MACROD2: variants seen among roughly 807,000 people sequenced by gnomAD.
MACROD2 encodes ADP-ribose glycohydrolase MACROD2.
MACROD2 carries 36 observed loss-of-function variants against 70.4 expected under a neutral mutation model. The ratio of observed to expected loss-of-function variants is 0.51; its 90% CI spans 0.39 to 0.68. MACROD2 has a LOEUF of 0.68. Ranked by LOEUF, MACROD2 falls within the 30% of genes least tolerant of loss-of-function variation. The pLI is 0.00. For missense variants in MACROD2, 496 were observed against 538.4 expected, an observed-to-expected ratio of 0.92 and a Z score of 0.78; for synonymous variants, 172 against 178.8, an observed-to-expected ratio of 0.96 and a Z score of 0.30.
chr20:14,313,287 T>G lies in MACROD2; in HGVS notation c.272-180192T>G, dbSNP rs139369843. 2.6e-3 allele frequency among the ~76,000 whole-genome samples: 396 copies of G among 152,322 alleles called. 4 individuals carry two copies. Among genetic ancestry groups the G allele is most frequent in the Non-Finnish European group, 4.8e-3 (328 of 68,018 alleles). On this transcript the variant is annotated intron_variant, in intron 3 of 17. Coordinates refer to ENST00000684519, the MANE Select transcript of MACROD2 (RefSeq NM_001351661.2). ...ATTTTGTGAACATTTGGTAAGCAGTTGCACTTAATTTCCTTCACTTGAACA... is the reference window on the plus strand; with the variant it reads ...ATTTTGTGAACATTTGGTAAGCAGTGGCACTTAATTTCCTTCACTTGAACA...
At chr20:14,843,221 T>C (rs1255709395) in intron 5 of MACROD2, among the ~76,000 whole-genome samples, 1 of 150,796 alleles carries the variant, frequency 6.6e-6, no homozygotes, top group East Asian at 1.9e-4. Flanking sequence ...CTTTGTGTTA[T>C]GACTGGGGCT....
chr20:15,391,520 G>A (rs569542531), intron 6 of MACROD2, among the ~76,000 whole-genome samples: 15 of 152,338 alleles, frequency 9.8e-5, no homozygotes, highest in South Asian at 4.1e-4. Context: ...GGCCACAGCC[G>A]TAAGTCTCAA....
intron 5 of MACROD2, among the ~76,000 whole-genome samples, chr20:15,028,596 C>G (rs2075251058): frequency 6.6e-6 from 1 of 152,132 alleles, no homozygotes; most frequent in Non-Finnish European, 1.5e-5. Context: ...GTTTGGGCTA[C>G]CTGCTGTGAC....
rs2122312638 is a variant in MACROD2, at chr20:14,261,267, T to C, written c.271+175539T>C. ...TTGGAACATCAGTAAGTGAAGTTTT[T>C]TTATTTCATTGTAGAAATGAGGAAG... On this transcript the variant is annotated intron_variant, in intron 3 of 17. Coordinates refer to ENST00000684519, the MANE Select transcript of MACROD2 (RefSeq NM_001351661.2). Among the ~76,000 whole-genome samples the C allele has an allele frequency of 1.3e-5, 2 of 152,030 alleles. 1 individual carries two copies. Among genetic ancestry groups the C allele is most frequent in the Admixed American group, 1.3e-4 (2 of 15,250 alleles).
At chr20:15,570,908 A>G (rs1490253929) in intron 8 of MACROD2, among the ~76,000 whole-genome samples, 8 of 152,180 alleles carry the variant, frequency 5.3e-5, no homozygotes, top group African/African-American at 9.7e-5. Flanking sequence ...AAGGAAAAAA[A>G]GGTAGCAGGG....
intron 8 of MACROD2, among the ~76,000 whole-genome samples, chr20:15,536,437 A>G (rs2047875932): frequency 6.6e-6 from 1 of 152,204 alleles, no homozygotes; most frequent in African/African-American, 2.4e-5. Context: ...GCATTCAAGA[A>G]ATAAGGAAGC....
chr20:14,187,139 GAAA>G (rs71335951), intron 3 of MACROD2, among the ~76,000 whole-genome samples: 3 of 112,974 alleles, frequency 2.7e-5, no homozygotes, highest in African/African-American at 1.0e-4. Flanking sequence ...TTTAAAAAAG[GAAA>G]AAAAAAAAAA....
chr20:15,011,631 C>T (rs919328673), intron 5 of MACROD2, among the ~76,000 whole-genome samples: 1 of 152,108 alleles, frequency 6.6e-6, no homozygotes, highest in Non-Finnish European at 1.5e-5. Flanking sequence ...TTGTACTCAT[C>T]GAGTCGGTAC....
intron 3 of MACROD2, among the ~76,000 whole-genome samples, chr20:14,274,045 C>T (rs1402335895): frequency 1.3e-5 from 2 of 152,198 alleles, no homozygotes; most frequent in Non-Finnish European, 2.9e-5. Context: ...GATGGATTCA[C>T]AGCCGAATTC....
intron 5 of MACROD2, among the ~76,000 whole-genome samples, chr20:14,852,391 A>C (rs747453244): frequency 9.9e-5 from 15 of 152,284 alleles, no homozygotes; most frequent in Admixed American, 2.6e-4. Flanking sequence ...GATAAGCCAT[A>C]GATCATGGGA....
intron 5 of MACROD2, among the ~76,000 whole-genome samples, chr20:15,226,504 A>G (rs2076907833): frequency 6.6e-6 from 1 of 152,244 alleles, no homozygotes; most frequent in Admixed American, 6.5e-5. Flanking sequence ...TTACATATAT[A>G]TGTCCACTAT....
intron 6 of MACROD2, among the ~76,000 whole-genome samples, chr20:15,299,596 GT>G (rs1332998664): frequency 6.6e-6 from 1 of 152,182 alleles, no homozygotes; most frequent in Non-Finnish European, 1.5e-5. Context: ...TTTGTTTAAA[GT>G]TGTCTGGACA....
At chr20:15,879,584 A>T (rs2064724144) in intron 9 of MACROD2, among the ~76,000 whole-genome samples, 1 of 152,148 alleles carries the variant, frequency 6.6e-6, no homozygotes, top group African/African-American at 2.4e-5. Context: ...GTTATCTTTC[A>T]AAAGATGGTA....
At chr20:15,825,928 A>G (rs891095946) in intron 8 of MACROD2, among the ~76,000 whole-genome samples, 1 of 152,162 alleles carries the variant, frequency 6.6e-6, no homozygotes, top group Non-Finnish European at 1.5e-5. Flanking sequence ...ATTTATCTAT[A>G]AAATTCAAAT....
At chr20:15,626,472 A>G (rs1253769998) in intron 8 of MACROD2, among the ~76,000 whole-genome samples, 1 of 152,374 alleles carries the variant, frequency 6.6e-6, no homozygotes, top group South Asian at 2.1e-4. Flanking sequence ...GCCTTTTGGT[A>G]CAATTCAACA....
At chr20:14,057,037 CT>C (rs1353892828) in intron 2 of MACROD2, among the ~76,000 whole-genome samples, 1 of 152,036 alleles carries the variant, frequency 6.6e-6, no homozygotes, top group Non-Finnish European at 1.5e-5. Flanking sequence ...TTAAACATTG[CT>C]TATCATGTGG....
At chr20:14,946,237 A>G (rs1348506150) in intron 5 of MACROD2, among the ~76,000 whole-genome samples, 1 of 152,160 alleles carries the variant, frequency 6.6e-6, no homozygotes, top group Non-Finnish European at 1.5e-5. Context: ...AACTCAGTGA[A>G]TGTTGTGGAA....
chr20:14,058,704 C>T (rs1399635824), intron 2 of MACROD2, among the ~76,000 whole-genome samples: 3 of 145,322 alleles, frequency 2.1e-5, no homozygotes, highest in Non-Finnish European at 4.5e-5. Context: ...AGTGCAGTGG[C>T]GTGATCTCGG....
intron 8 of MACROD2, among the ~76,000 whole-genome samples, chr20:15,590,013 T>C (rs1459675685): frequency 1.3e-5 from 2 of 152,178 alleles, no homozygotes; most frequent in Non-Finnish European, 2.9e-5. Flanking sequence ...GTCATAATTA[T>C]TTAATCACTG....
Sources: allele counts gnomAD v4.1 joint callset (sites outside exome capture counted in the v4.1 genomes callset), GRCh38; gene constraint gnomAD v4.1.1; transcripts MANE v1.5; gene names NCBI Gene and HGNC (gene_info 2026-07-23, HGNC 2026-07-21).